Variants in FOXN1 observed in about 807,000 individuals in gnomAD.
FOXN1 encodes the protein forkhead box protein N1.
Under a neutral mutation model 49.0 loss-of-function variants are expected in FOXN1, and 15 were observed. The ratio of observed to expected loss-of-function variants is 0.31; its 90% CI spans 0.20 to 0.47. FOXN1 has a LOEUF of 0.47. Ranked by LOEUF, FOXN1 falls within the 20% of genes least tolerant of loss-of-function variation. The pLI, the probability that FOXN1 is intolerant of heterozygous loss-of-function variation, is 1.00. For missense variants in FOXN1, 800 were observed against 842.8 expected, an observed-to-expected ratio of 0.95 and a Z score of 0.63; for synonymous variants, 356 against 369.0, an observed-to-expected ratio of 0.96 and a Z score of 0.40.
rs551151016 is a variant in FOXN1, at chr17:28,528,799, T to G, written c.700-295T>G. Among the ~76,000 whole-genome samples the G allele has an allele frequency of 2.6e-5, 4 of 152,296 alleles. No individual in the cohort carries two copies. The East Asian group carries it at 7.7e-4, about 29-fold the overall frequency. ...CTGGAAGGGTGCAGGGGCCGAGGGC[T>G]TCACTTCATACTCTCCCTGCAGGGT... On this transcript the variant is annotated intron_variant, in intron 4 of 8. Coordinates refer to ENST00000579795, the MANE Select transcript of FOXN1 (RefSeq NM_001369369.1).
chr17:28,529,309 T>C, intron 5 of FOXN1, 85 bp downstream of exon 5: 1 of 1,520,482 alleles, frequency 6.6e-7, no homozygotes. Context: ...CCTCTGGGTC[T>C]ACCAGTAATG....
intron 1 of FOXN1, among the ~76,000 whole-genome samples, chr17:28,514,508 T>C (rs1165958474): frequency 3.9e-5 from 6 of 152,098 alleles, no homozygotes; most frequent in Admixed American, 2.6e-4. Flanking sequence ...CCGAGTTTCC[T>C]TGGGTGCCCA....
intron 5 of FOXN1, among the ~76,000 whole-genome samples, chr17:28,529,684 T>G (rs2069861898): frequency 6.6e-6 from 1 of 152,166 alleles, no homozygotes; most frequent in African/African-American, 2.4e-5. Flanking sequence ...GGGGCTGGGT[T>G]CTTAAGTGTC....
intron 1 of FOXN1, among the ~76,000 whole-genome samples, chr17:28,521,828 A>G (rs2151484225): frequency 6.6e-6 from 1 of 152,336 alleles, no homozygotes; most frequent in East Asian, 1.9e-4. Flanking sequence ...TGGTTTATTC[A>G]GCAAAGATGT....
In FOXN1 at chr17:28,524,706, A is replaced by G. The variant is rs1363691689; in HGVS notation, c.327A>G (p.Ala109=). ...YPGFGFEEAA[A]SSPGRFLKGS... is the part of the protein sequence containing the mutation. ...GCTTTGGCTTTGAGGAGGCCGCAGC[A>G]AGCAGCCCTGGGCGATTCCTCAAGG... The change falls in exon 3 of 9, where the codon GCA becomes GCG. Residue 109 remains alanine, a synonymous_variant. Transcript: ENST00000579795. 3 of 1,612,700 alleles carry G rather than the reference A, an allele frequency of 1.9e-6. No homozygotes were observed. The highest frequency in any genetic ancestry group is 2.5e-6 in the Non-Finnish European group (3 of 1,179,598).
intron 1 of FOXN1, among the ~76,000 whole-genome samples, chr17:28,517,659 G>A (rs371469575): frequency 3.6e-5 from 2 of 55,174 alleles, no homozygotes; most frequent in South Asian, 5.0e-4. Flanking sequence ...CCTCCACAGG[G>A]TACACACCTC....
intron 6 of FOXN1, among the ~76,000 whole-genome samples, chr17:28,532,159 G>A (rs62066769): frequency 0.087 from 13,299 of 152,014 alleles, 824 homozygotes; most frequent in East Asian, 0.22. Context: ...ACCAGCTCCC[G>A]GCCTGGCCCC....
At chr17:28,536,708 C>A (rs1167442826) in intron 8 of FOXN1, among the ~76,000 whole-genome samples, 2 of 152,124 alleles carry the variant, frequency 1.3e-5, no homozygotes, top group East Asian at 3.9e-4. Flanking sequence ...GCCCATCCAT[C>A]CCATTAGGTC....
rs1555606111 is a variant in FOXN1 at position 28,506,458 on chromosome 17, G to C, written c.-15+15G>C. ...TCACTGAGCAGGTAAGAGGAGCCCC[G>C]GCCCAAGTCAGCCGTGGAGGCCAGC... is the stretch of plus-strand genomic sequence containing the variant. On this transcript the variant is annotated intron_variant, in intron 1 of 8. Transcript: ENST00000579795. The C allele has an allele frequency of 6.6e-6, 1 of 152,262 alleles. No individual in the cohort carries two copies. The highest frequency in any genetic ancestry group is 1.5e-5 in the Non-Finnish European group (1 of 68,068). 9.4% of individuals were successfully genotyped at this position (152,262 alleles called of 1,614,324 possible).
rs2069733599 is a variant in FOXN1 at position 28,524,937 on chromosome 17, C to T, written c.558C>T (p.Tyr186=). 3 of 1,611,906 alleles carry T rather than the reference C, an allele frequency of 1.9e-6. No individual in the cohort carries two copies. Among genetic ancestry groups the T allele is most frequent in the African/African-American group, 1.3e-5 (1 of 74,896 alleles). The change falls in exon 3 of 9, where the codon TAC becomes TAT. Residue 186 remains tyrosine, a synonymous_variant. Coordinates refer to ENST00000579795, the MANE Select transcript of FOXN1 (RefSeq NM_001369369.1). The part of the protein sequence containing the change: ...SAEAWCNGLP[Y]PSQEHGPQVL... Reference sequence around the variant, plus strand: ...AGGCCTGGTGTAACGGGCTCCCCTACCCCAGCCAGGAGCATGGCCCCCAAG... The same window carrying T: ...AGGCCTGGTGTAACGGGCTCCCCTATCCCAGCCAGGAGCATGGCCCCCAAG...
intron 1 of FOXN1, among the ~76,000 whole-genome samples, chr17:28,513,872 C>A (rs2069441928): frequency 6.6e-6 from 1 of 152,144 alleles, no homozygotes; most frequent in Admixed American, 6.5e-5. Context: ...CAGAGGCAGC[C>A]AGGGATGGCG....
Position 28,515,610 on chromosome 17 carries a change from C to T in FOXN1, c.-14-8346C>T, listed in dbSNP as rs28393625. Among the ~76,000 whole-genome samples the T allele has an allele frequency of 7.1e-3, 1,082 of 151,814 alleles. 15 individuals carry two copies. The highest frequency in any genetic ancestry group is 0.025 in the African/African-American group (1,012 of 41,298). On this transcript the variant is annotated intron_variant, in intron 1 of 8. Coordinates refer to ENST00000579795, the MANE Select transcript of FOXN1 (RefSeq NM_001369369.1). ...ACATACCTCCACAGGCTACACATCTCCACAGGTGTACACCCCTCCAAAAGT... is the reference window on the plus strand; with the variant it reads ...ACATACCTCCACAGGCTACACATCTTCACAGGTGTACACCCCTCCAAAAGT...
At position 28,537,257 on chromosome 17, in the gene FOXN1, A is replaced by G; in HGVS notation, c.1768A>G (p.Thr590Ala). Reference sequence around the variant, plus strand: ...CCCCCCTGGGCCCTGTCTGACAGAGACAGGCAGTGGGGCAGGTGACTTGGC... The same window carrying G: ...CCCCCCTGGGCCCTGTCTGACAGAGGCAGGCAGTGGGGCAGGTGACTTGGC... The part of the protein sequence containing the change: ...CFPPGPCLTE[T>A]GSGAGDLAAP... The change falls in exon 9 of 9, where the codon ACA (threonine) becomes GCA (alanine). Residue 590 changes from threonine to alanine, a missense_variant. Thr to Ala is a moderately conservative substitution (Grantham distance 58). Around this residue, in one of 3 missense-constraint regions of FOXN1, gnomAD observed 344 missense variants for 366.1 expected, o/e 0.94. Coordinates refer to ENST00000579795, the MANE Select transcript of FOXN1 (RefSeq NM_001369369.1). The G allele has an allele frequency of 6.2e-7, 1 of 1,613,992 alleles. No individual in the cohort carries two copies.
Position 28,537,487 on chromosome 17 carries a change from G to T in FOXN1, c.*51G>T. 6.9e-7 allele frequency: 1 copy of T among 1,450,302 alleles called. No homozygotes were observed. Among genetic ancestry groups the T allele is most frequent in the South Asian group, 1.1e-5 (1 of 87,470 alleles). The allele number at this position is 1,450,302 out of a possible 1,614,324, so 89.8% of individuals were successfully genotyped here. ...GCGTTTGCCTGGTCTGGAAGTCCTG[G>T]CCGGCCGCCCACATCGGGCTCACCT... On this transcript the variant is annotated 3_prime_UTR_variant, in exon 9 of 9. Coordinates refer to ENST00000579795, the MANE Select transcript of FOXN1 (RefSeq NM_001369369.1).
chr17:28,511,220 T>C (rs930416457), intron 1 of FOXN1, among the ~76,000 whole-genome samples: 2 of 152,198 alleles, frequency 1.3e-5, no homozygotes, highest in African/African-American at 4.8e-5. Context: ...AAGATGGCAT[T>C]GGGAGAGGAG....
intron 1 of FOXN1, among the ~76,000 whole-genome samples, chr17:28,510,149 G>A (rs1354445537): frequency 2.0e-5 from 3 of 151,824 alleles, no homozygotes; most frequent in Non-Finnish European, 2.9e-5. Flanking sequence ...TCTGACCCTC[G>A]CCCTCCACCC....
intron 1 of FOXN1, among the ~76,000 whole-genome samples, chr17:28,516,802 A>G: frequency 1.1e-5 from 1 of 87,966 alleles, no homozygotes; most frequent in Non-Finnish European, 2.7e-5. Context: ...ACATCTCCAC[A>G]GGGTACACAC....
rs1377174495 is a variant in FOXN1, at chr17:28,534,738, A to G, written c.1167A>G (p.Arg389=). 6.2e-7 allele frequency: 1 copy of G among 1,613,444 alleles called. No individual in the cohort carries two copies. The highest frequency in any genetic ancestry group is 2.2e-5 in the East Asian group (1 of 44,878). ...EELDSLIGDK[R]EKLGSPLLGC... ...TGGACAGCCTCATTGGAGACAAGAG[A>G]GAAAAGCTGGGCTCCCCACTCCTGG... The change falls in exon 8 of 9, where the codon AGA becomes AGG. Residue 389 remains arginine, a synonymous_variant. Transcript: ENST00000579795. The surrounding 1 kb of genome is among the most constrained non-coding windows in gnomAD (Gnocchi z 4.1).
chr17:28,537,273 G>T lies in FOXN1; in HGVS notation c.1784G>T (p.Gly595Val). 1.9e-6 allele frequency: 3 copies of T among 1,614,072 alleles called. No individual in the cohort carries two copies. Among genetic ancestry groups the T allele is most frequent in the Non-Finnish European group, 2.5e-6 (3 of 1,179,990 alleles). ...CTGACAGAGACAGGCAGTGGGGCAG[G>T]TGACTTGGCAGCCCCGGGCAGTGGT... ...PCLTETGSGA[G>V]DLAAPGSGGS... The change falls in exon 9 of 9, where the codon GGT becomes GTT. Residue 595 changes from glycine to valine, a missense_variant. Physicochemically the swap from Gly to Val is moderately radical, Grantham distance 109 (BLOSUM62 -3). Transcript: ENST00000579795.
Sources: gnomAD v4.1 joint callset for allele counts (sites outside exome capture counted in the v4.1 genomes callset) on GRCh38, gnomAD v4.1.1 for gene constraint, gnomAD v4.1.1 regional missense constraint, Gnocchi (gnomAD v3.1) non-coding constraint, MANE v1.5 for transcripts, NCBI Gene and HGNC (gene_info 2026-07-23, HGNC 2026-07-21) for gene names.